Variants in CACNA1S observed in about 807,000 individuals in gnomAD.
The protein encoded by CACNA1S is voltage-dependent L-type calcium channel subunit alpha-1S.
CACNA1S carries 126 observed loss-of-function variants against 207.4 expected under a neutral mutation model. The observed-to-expected ratio is 0.61, with a 90% CI of 0.53 to 0.70. The LOEUF (loss-of-function observed/expected upper bound fraction) is 0.70, where lower values mean the gene tolerates loss of function less well. Among genes scored for constraint, CACNA1S ranks in the 30% least tolerant of loss-of-function variants. The probability of loss-of-function intolerance (pLI) is 0.00; values close to 1 mark genes in which losing one functional copy is unlikely to be tolerated. For missense variants in CACNA1S, 2,349 were observed against 2,422.8 expected (o/e 0.97, Z 0.64); for synonymous variants, 960 against 932.7 (o/e 1.03, Z -0.53).
chr1:201,041,412 A>G, intron 41 of CACNA1S, 92 bp downstream of exon 41: 2 of 985,672 alleles, frequency 2.0e-6, no homozygotes, highest in Non-Finnish European at 3.2e-6. Flanking sequence ...CAGCCCTCCC[A>G]GCCAAGTTCC....
chr1:201,047,703 C>G, intron 36 of CACNA1S, 77 bp from the exon 37 acceptor site: 1 of 933,302 alleles, frequency 1.1e-6, no homozygotes, highest in Non-Finnish European at 1.8e-6. Context: ...CTTTCTGAAC[C>G]TTTCAGACAG....
At chr1:201,077,203 G>A (rs1661660051) in intron 11 of CACNA1S, 76 bp from the exon 12 acceptor site, 6 of 1,280,430 alleles carry the variant, frequency 4.7e-6, no homozygotes, top group African/African-American at 1.5e-5. Context: ...ACAGGCTTGG[G>A]GGAAAGACTC....
chr1:201,080,593 C>T (rs1164402302), intron 10 of CACNA1S, among the ~76,000 whole-genome samples: 1 of 152,010 alleles, frequency 6.6e-6, no homozygotes, highest in Non-Finnish European at 1.5e-5. Flanking sequence ...TATTTATTTT[C>T]CTTCTTTTAC....
chr1:201,068,532 T>C (rs1187670957), intron 19 of CACNA1S, among the ~76,000 whole-genome samples: 2 of 147,300 alleles, frequency 1.4e-5, no homozygotes, highest in East Asian at 4.4e-4. Context: ...CGTGAGCCAC[T>C]GCGCCCGGCC....
intron 14 of CACNA1S, 89 bp from the exon 15 acceptor site, chr1:201,073,731 C>A (rs1661501873): frequency 6.8e-6 from 7 of 1,028,944 alleles, no homozygotes; most frequent in African/African-American, 1.6e-5. Context: ...GATCCCACAC[C>A]AAGGGCTCCA....
chr1:201,083,461 A>C, intron 9 of CACNA1S, 139 bp from the exon 10 acceptor site: 2 of 832,350 alleles, frequency 2.4e-6, no homozygotes, highest in Non-Finnish European at 4.1e-6. Context: ...AGCTCAGGGC[A>C]TGAGCTAGGG....
intron 2 of CACNA1S, among the ~76,000 whole-genome samples, chr1:201,107,308 G>C (rs565743148): frequency 6.6e-6 from 1 of 152,326 alleles, no homozygotes; most frequent in Non-Finnish European, 1.5e-5. Context: ...TAGGTCTCAG[G>C]TTAAACATCC....
chr1:201,092,128 G>T lies in CACNA1S; in HGVS notation c.399-14C>A, dbSNP rs116534514. 6.2e-7 allele frequency: 1 copy of T among 1,614,108 alleles called. No individual in the cohort carries two copies. Among genetic ancestry groups the T allele is most frequent in the Non-Finnish European group, 8.5e-7 (1 of 1,180,000 alleles). Reference sequence around the variant, plus strand: ...ACGGTGAAGACCCTAGAATGGAGAAGAGGGAGAGAGGGGGTCCAGGGGTTG... The same window carrying T: ...ACGGTGAAGACCCTAGAATGGAGAATAGGGAGAGAGGGGGTCCAGGGGTTG... On this transcript the variant is annotated splice_polypyrimidine_tract_variant and intron_variant, in intron 3 of 43. Transcript: ENST00000362061.
intron 32 of CACNA1S, 43 bp downstream of exon 32, chr1:201,052,514 A>T (rs1209467933): frequency 6.8e-7 from 1 of 1,471,990 alleles, no homozygotes; most frequent in Non-Finnish European, 9.5e-7. Flanking sequence ...CAAAGGCTGG[A>T]CTGGTCAGCG....
chr1:201,054,693 T>A, intron 28 of CACNA1S, 132 bp from the exon 29 acceptor site: 9 of 145,612 alleles, frequency 6.2e-5, no homozygotes, highest in South Asian at 3.7e-4. Context: ...AGGCAGGGGC[T>A]AAAGACCCCA....
intron 11 of CACNA1S, among the ~76,000 whole-genome samples, chr1:201,077,425 C>T (rs566051055): frequency 6.6e-6 from 1 of 152,306 alleles, no homozygotes; most frequent in South Asian, 2.1e-4. Flanking sequence ...CCCTCGATGC[C>T]CTGTGCTTAG....
intron 1 of CACNA1S, among the ~76,000 whole-genome samples, chr1:201,111,606 C>G (rs541184913): frequency 1.3e-5 from 2 of 152,234 alleles, no homozygotes; most frequent in African/African-American, 4.8e-5. Flanking sequence ...TCAGCTGGGA[C>G]CTGCCCCCAG....
chr1:201,056,988 C>T (rs765001901), intron 28 of CACNA1S, among the ~76,000 whole-genome samples: 16 of 152,206 alleles, frequency 1.1e-4, no homozygotes, highest in East Asian at 1.9e-4. Context: ...TGGATCACTG[C>T]GGGAACCCCC....
intron 36 of CACNA1S, among the ~76,000 whole-genome samples, chr1:201,048,207 C>T (rs1660536096): frequency 6.6e-6 from 1 of 152,222 alleles, no homozygotes; most frequent in Non-Finnish European, 1.5e-5. Context: ...AGGTGAGGAC[C>T]TGCAGATTTA....
intron 31 of CACNA1S, among the ~76,000 whole-genome samples, chr1:201,052,877 C>T (rs1415099193): frequency 6.6e-6 from 1 of 152,024 alleles, no homozygotes; most frequent in East Asian, 1.9e-4. Context: ...ACCCGTTTTC[C>T]CAGCAGCAAG....
intron 6 of CACNA1S, 71 bp downstream of exon 6, chr1:201,089,187 C>T (rs1662134976): frequency 6.8e-7 from 1 of 1,477,096 alleles, no homozygotes; most frequent in Non-Finnish European, 9.4e-7. Flanking sequence ...ACTGGCAAGC[C>T]CTCCCTCCCC....
At chr1:201,091,556 G>C (rs921223713) in intron 5 of CACNA1S, 84 bp downstream of exon 5, 24 of 1,486,982 alleles carry the variant, frequency 1.6e-5, no homozygotes, top group Non-Finnish European at 2.3e-5. Flanking sequence ...GCTGAGCTCC[G>C]GGCTCCTTCA....
intron 10 of CACNA1S, among the ~76,000 whole-genome samples, chr1:201,081,186 T>G (rs573382182): frequency 1.3e-5 from 2 of 152,312 alleles, no homozygotes; most frequent in African/African-American, 4.8e-5. Context: ...TCTCCAGCCC[T>G]GCACAGGCCT....
chr1:201,062,527 A>C lies in CACNA1S; in HGVS notation c.2854-13T>G, dbSNP rs777736682. ...TGAAGAACTTCCCCTGCAGCCAGGA[A>C]GAGGGAGGGAGGGAGGGAGGCATGT... On this transcript the variant is annotated splice_polypyrimidine_tract_variant and intron_variant, in intron 22 of 43. Transcript: ENST00000362061. 3.5e-6 allele frequency: 4 copies of C among 1,157,614 alleles called. No individual in the cohort carries two copies. The highest frequency in any genetic ancestry group is 3.6e-5 in the Admixed American group (2 of 55,598). 71.7% of individuals were successfully genotyped at this position (1,157,614 alleles called of 1,614,324 possible).
Sources: gnomAD v4.1 joint callset for allele counts (sites outside exome capture counted in the v4.1 genomes callset) on GRCh38, gnomAD v4.1.1 for gene constraint, MANE v1.5 for transcripts, NCBI Gene and HGNC (gene_info 2026-07-23, HGNC 2026-07-21) for gene names.